Variants in NREP observed in about 807,000 individuals in gnomAD.
NREP encodes the protein neuronal regeneration related protein, also known as neuronal regeneration-related protein.
A neutral mutation model predicts 8.6 loss-of-function variants in NREP; 5 were observed. The observed-to-expected ratio is 0.58, with a 90% confidence interval of 0.30 to 1.22. The LOEUF is 1.22. Ranked by LOEUF, NREP falls within the 50% of genes most tolerant of loss-of-function variation. NREP has a pLI of 0.07. For missense variants in NREP, 86 were observed against 82.5 expected (o/e 1.04, Z -0.17); for synonymous variants, 27 against 28.0 (o/e 0.96, Z 0.11).
At chr5:111,757,253 A>AGGGAGG (rs1750780383), upstream of NREP, 1 of 2,074 alleles carries the variant, frequency 4.8e-4, no homozygotes, top group African/African-American at 2.4e-3. Context: ...GGATTGGGGG[A>AGGGAGG]GGGAGGGGGA....
chr5:111,914,697 C>A (rs1201893330), intron 2 of NREP, among the ~76,000 whole-genome samples: 1 of 152,028 alleles, frequency 6.6e-6, no homozygotes, highest in African/African-American at 2.4e-5. Flanking sequence ...CTGAGAGATC[C>A]TTTGTCTCAG....
chr5:111,733,382 C>T (rs1320523694), intron 3 of NREP: 4 of 152,092 alleles, frequency 2.6e-5, no homozygotes, highest in East Asian at 1.9e-4. Context: ...CCACCATGCC[C>T]GTGGAGAGAG....
intron 3 of NREP, chr5:111,733,224 TGAAACA>T (rs1227469124): frequency 6.6e-6 from 1 of 152,184 alleles, no homozygotes; most frequent in African/African-American, 2.4e-5. Context: ...AGAGAGAGAT[TGAAACA>T]GAAACAGTAA....
intron 2 of NREP, among the ~76,000 whole-genome samples, chr5:111,958,253 TATA>T (rs974573826): frequency 9.2e-5 from 14 of 151,942 alleles, no homozygotes; most frequent in Non-Finnish European, 1.2e-4. Flanking sequence ...ATTATAATAC[TATA>T]ATTTTAATTT....
At chr5:111,976,738 A>C in exon 1 of NREP, 4 of 1,550,934 alleles carry the variant, frequency 2.6e-6, no homozygotes, top group Non-Finnish European at 3.5e-6. Context: ...AACTCCTTTC[A>C]TTCCAGTCCT....
chr5:111,810,418 A>C (rs1005352608), intron 2 of NREP, among the ~76,000 whole-genome samples: 1 of 152,154 alleles, frequency 6.6e-6, no homozygotes, highest in Non-Finnish European at 1.5e-5. Context: ...CAACTGTACT[A>C]TTTGTTCCAT....
intron 2 of NREP, among the ~76,000 whole-genome samples, chr5:111,918,780 C>T (rs1053594209): frequency 1.3e-5 from 2 of 152,128 alleles, no homozygotes; most frequent in Non-Finnish European, 2.9e-5. Flanking sequence ...CTACGCAATT[C>T]CATTCAGGAC....
chr5:111,855,870 A>AG (rs1358091093), intron 2 of NREP, among the ~76,000 whole-genome samples: 15 of 152,126 alleles, frequency 9.9e-5, no homozygotes, highest in Non-Finnish European at 1.9e-4. Context: ...TGTAGCTTGG[A>AG]GGGGGAAAAA....
At chr5:111,743,855 T>C (rs1180523469) in intron 2 of NREP, among the ~76,000 whole-genome samples, 1 of 152,156 alleles carries the variant, frequency 6.6e-6, no homozygotes, top group Non-Finnish European at 1.5e-5. Flanking sequence ...CCAAGAATGC[T>C]ATGTTTTCTT....
In NREP at chr5:111,753,330, TTATATATA is replaced by T. The variant is rs10546970; in HGVS notation, c.3+2432_3+2439del. ...CCTCCTAGAGCTGCACAAGTTGATTTTATATATATATATATATATATATGTATATATAT... is the reference window on the plus strand; with the variant it reads ...CCTCCTAGAGCTGCACAAGTTGATTTTATATATATATATATGTATATATAT... On this transcript the variant is annotated intron_variant, in intron 2 of 3. Transcript: ENST00000257435. Among the ~76,000 whole-genome samples the T allele has an allele frequency of 2.8e-4, 39 of 140,788 alleles. No individual in the cohort carries two copies. The South Asian group carries it at 6.6e-3, about 24-fold the overall frequency. 92.4% of individuals were successfully genotyped at this position (140,788 alleles called of 152,430 possible). A position where few individuals can be genotyped will look rare whatever the true frequency, so the allele number is the denominator to read the frequency against.
At chr5:111,764,497 C>T (rs1234722544) in intron 2 of NREP, among the ~76,000 whole-genome samples, 1 of 152,178 alleles carries the variant, frequency 6.6e-6, no homozygotes, top group Non-Finnish European at 1.5e-5. Context: ...TGCATGGAAA[C>T]TCCACTTTAT....
chr5:111,821,564 G>C (rs1463324812), intron 2 of NREP, among the ~76,000 whole-genome samples: 1 of 152,174 alleles, frequency 6.6e-6, no homozygotes, highest in Non-Finnish European at 1.5e-5. Flanking sequence ...TTTAGAACCA[G>C]TCAACATCAA....
chr5:111,954,966 T>C (rs1459658598), intron 2 of NREP, among the ~76,000 whole-genome samples: 4 of 152,174 alleles, frequency 2.6e-5, no homozygotes. Context: ...TGGGAGTTTG[T>C]TAAATTAATA....
At chr5:111,917,034 T>C (rs978719898) in intron 2 of NREP, among the ~76,000 whole-genome samples, 4 of 152,090 alleles carry the variant, frequency 2.6e-5, no homozygotes, top group Non-Finnish European at 5.9e-5. Context: ...TTTGACCTTT[T>C]GACTTGGGGT....
At chr5:111,737,957 C>A (rs1291924831) in intron 2 of NREP, among the ~76,000 whole-genome samples, 2 of 151,948 alleles carry the variant, frequency 1.3e-5, no homozygotes, top group Admixed American at 6.6e-5. Context: ...ATGAACGTTG[C>A]TTTGGCCTTC....
At chr5:111,867,209 C>T (rs545061985) in intron 2 of NREP, among the ~76,000 whole-genome samples, 1 of 151,788 alleles carries the variant, frequency 6.6e-6, no homozygotes, top group Non-Finnish European at 1.5e-5. Context: ...GCTGTCACAA[C>T]AAAATACCAT....
At position 111,904,489 on chromosome 5, in the gene NREP, A is replaced by G. The variant is rs59297558; in HGVS notation, c.135+70785T>C. ...ACAGTTTTGCCTTTTCCAGAATGTC[A>G]TATCATTGGAATTATATAGTATGTA... On this transcript the variant is annotated intron_variant, in intron 2 of 3. Coordinates refer to the NREP transcript ENST00000395634. Among the ~76,000 whole-genome samples, 1,149 of 152,214 alleles carry G rather than the reference A, an allele frequency of 7.5e-3. 47 individuals are homozygous for G. The highest frequency in any genetic ancestry group is 0.071 in the East Asian group (368 of 5,174).
At chr5:111,865,776 G>A (rs769975979) in intron 2 of NREP, among the ~76,000 whole-genome samples, 8 of 152,094 alleles carry the variant, frequency 5.3e-5, no homozygotes, top group Non-Finnish European at 1.0e-4. Context: ...GTGAGGTAAC[G>A]TGGATACAAA....
intron 2 of NREP, among the ~76,000 whole-genome samples, chr5:111,929,658 T>C (rs1016261053): frequency 2.0e-5 from 3 of 152,222 alleles, no homozygotes; most frequent in Non-Finnish European, 4.4e-5. Flanking sequence ...ACAGTAACCT[T>C]TACACATTTT....
Sources: gnomAD v4.1 joint callset for allele counts (sites outside exome capture counted in the v4.1 genomes callset) on GRCh38, gnomAD v4.1.1 for gene constraint, MANE v1.5 for transcripts, NCBI Gene and HGNC (gene_info 2026-07-23, HGNC 2026-07-21) for gene names.